Variants in INPP4B observed in about 807,000 individuals in gnomAD.
INPP4B encodes inositol polyphosphate 4-phosphatase type II.
Under a neutral mutation model 122.5 loss-of-function variants are expected in INPP4B, and 55 were observed. The observed-to-expected ratio is 0.45, with a 90% CI of 0.36 to 0.56. INPP4B has a LOEUF of 0.56. Ranked by LOEUF, INPP4B falls within the 20% of genes least tolerant of loss-of-function variation. The probability of loss-of-function intolerance (pLI) is 0.00; values close to 1 mark genes in which losing one functional copy is unlikely to be tolerated. For missense variants in INPP4B, 1,000 were observed against 1,097.7 expected (o/e 0.91, Z 1.26); for synonymous variants, 403 against 388.7 (o/e 1.04, Z -0.43).
At chr4:142,166,014 GTCT>G (rs981057589) in intron 16 of INPP4B, among the ~76,000 whole-genome samples, 1 of 151,642 alleles carries the variant, frequency 6.6e-6, no homozygotes, top group African/African-American at 2.4e-5. Context: ...CCATTCATAA[GTCT>G]TCTTTGGTGA....
At chr4:142,682,481 C>T (rs1239694649) in intron 2 of INPP4B, among the ~76,000 whole-genome samples, 1 of 151,726 alleles carries the variant, frequency 6.6e-6, no homozygotes, top group African/African-American at 2.4e-5. Context: ...ACAATAATAT[C>T]CTTAAAAGTA....
chr4:142,444,133 G>A (rs1387207683), intron 3 of INPP4B, among the ~76,000 whole-genome samples: 1 of 152,142 alleles, frequency 6.6e-6, no homozygotes, highest in Non-Finnish European at 1.5e-5. Flanking sequence ...TAACAGAGAT[G>A]CAGAATGCCT....
intron 2 of INPP4B, among the ~76,000 whole-genome samples, chr4:142,681,878 G>A (rs1398355432): frequency 6.6e-6 from 1 of 151,846 alleles, no homozygotes; most frequent in Non-Finnish European, 1.5e-5. Context: ...ATGGTTGGCA[G>A]ATATTGCTGT....
At chr4:142,091,268 C>T (rs906295436) in intron 23 of INPP4B, among the ~76,000 whole-genome samples, 1 of 152,146 alleles carries the variant, frequency 6.6e-6, no homozygotes. Flanking sequence ...AGCCAAGATT[C>T]CAGGAAAGTG....
chr4:142,731,840 C>T (rs1822360), intron 1 of INPP4B, among the ~76,000 whole-genome samples: 51,337 of 151,794 alleles, frequency 0.34, 8,870 homozygotes, highest in South Asian at 0.43. Context: ...TAGTGGAGGA[C>T]AGTCTCTAAA....
chr4:142,120,839 A>G (rs1561193375), intron 21 of INPP4B, among the ~76,000 whole-genome samples: 1 of 152,104 alleles, frequency 6.6e-6, no homozygotes, highest in African/African-American at 2.4e-5. Context: ...TGTGCATCCA[A>G]TTTATTCTGT....
At chr4:142,778,018 C>T (rs962660487) in intron 1 of INPP4B, among the ~76,000 whole-genome samples, 2 of 152,124 alleles carry the variant, frequency 1.3e-5, no homozygotes, top group African/African-American at 4.8e-5. Flanking sequence ...AAGAACGTGG[C>T]CTTGTGTAAC....
chr4:142,392,713 C>T (rs1347420797), intron 7 of INPP4B, among the ~76,000 whole-genome samples: 1 of 152,180 alleles, frequency 6.6e-6, no homozygotes, highest in African/African-American at 2.4e-5. Context: ...TATAGTTACA[C>T]AACAGACTTT....
chr4:142,399,660 T>TA (rs1800960692), intron 7 of INPP4B, among the ~76,000 whole-genome samples: 1 of 152,160 alleles, frequency 6.6e-6, no homozygotes, highest in Non-Finnish European at 1.5e-5. Context: ...ATCCAGAAGA[T>TA]ATCAACTTTA....
intron 1 of INPP4B, among the ~76,000 whole-genome samples, chr4:142,834,451 A>G (rs1782539044): frequency 6.6e-6 from 1 of 152,074 alleles, no homozygotes; most frequent in African/African-American, 2.4e-5. Context: ...TTGCTTGGGT[A>G]CCTCCTGGTG....
intron 15 of INPP4B, among the ~76,000 whole-genome samples, chr4:142,180,062 C>T (rs1438027484): frequency 6.6e-6 from 1 of 152,088 alleles, no homozygotes; most frequent in Non-Finnish European, 1.5e-5. Context: ...AAATCATACC[C>T]CAATACTCTG....
At chr4:142,774,893 CTTTA>C (rs1773621480) in intron 1 of INPP4B, among the ~76,000 whole-genome samples, 1 of 151,940 alleles carries the variant, frequency 6.6e-6, no homozygotes, top group Admixed American at 6.6e-5. Flanking sequence ...AAAGTTCATA[CTTTA>C]CTTAGATTTC....
At chr4:142,790,779 G>T (rs904492688) in intron 1 of INPP4B, among the ~76,000 whole-genome samples, 1 of 151,800 alleles carries the variant, frequency 6.6e-6, no homozygotes, top group South Asian at 2.1e-4. Context: ...ATTCTAAATT[G>T]AGGTCCTTTT....
chr4:142,515,403 G>A (rs1239171739), intron 2 of INPP4B, among the ~76,000 whole-genome samples: 1 of 152,038 alleles, frequency 6.6e-6, no homozygotes, highest in Non-Finnish European at 1.5e-5. Context: ...ATTCTCTCTG[G>A]TGTTTCCTTC....
chr4:142,677,183 GAT>G (rs1261040323), intron 2 of INPP4B, among the ~76,000 whole-genome samples: 2 of 152,024 alleles, frequency 1.3e-5, no homozygotes, highest in African/African-American at 2.4e-5. Context: ...GTGGGCAAAG[GAT>G]ATGAACAGAC....
intron 7 of INPP4B, among the ~76,000 whole-genome samples, chr4:142,381,496 T>C (rs1045951829): frequency 6.6e-6 from 1 of 152,094 alleles, no homozygotes; most frequent in Admixed American, 6.6e-5. Flanking sequence ...GAATTGCAAA[T>C]AATTTTTCAT....
chr4:142,230,464 G>T (rs1323785653), intron 12 of INPP4B, among the ~76,000 whole-genome samples: 1 of 151,940 alleles, frequency 6.6e-6, no homozygotes, highest in Non-Finnish European at 1.5e-5. Flanking sequence ...TGACCAACAT[G>T]GAGAAACTCC....
intron 9 of INPP4B, among the ~76,000 whole-genome samples, chr4:142,305,086 C>G (rs1442210935): frequency 1.3e-5 from 2 of 152,012 alleles, no homozygotes; most frequent in Non-Finnish European, 2.9e-5. Context: ...AATATTGCCT[C>G]TAACATATTT....
chr4:142,568,880 A>T (rs1049321209), intron 2 of INPP4B, among the ~76,000 whole-genome samples: 2 of 152,148 alleles, frequency 1.3e-5, no homozygotes, highest in Non-Finnish European at 2.9e-5. Context: ...TTTTATAGGC[A>T]TATGGAACAA....
Sources: allele counts gnomAD v4.1 joint callset (sites outside exome capture counted in the v4.1 genomes callset), GRCh38; gene constraint gnomAD v4.1.1; transcripts MANE v1.5; gene names NCBI Gene and HGNC (gene_info 2026-07-23, HGNC 2026-07-21).